Variants in AFAP1 observed in about 807,000 individuals in gnomAD.
The protein encoded by AFAP1 is actin filament associated protein 1, also known as actin filament-associated protein 1.
Under a neutral mutation model 93.9 loss-of-function variants are expected in AFAP1, and 75 were observed. The ratio of observed to expected loss-of-function variants is 0.80; its 90% CI spans 0.66 to 0.97. AFAP1 has a LOEUF of 0.97. AFAP1 is among the 50% of genes least tolerant of loss of function. The probability of loss-of-function intolerance (pLI) is 0.00; values close to 1 mark genes in which losing one functional copy is unlikely to be tolerated. For missense variants in AFAP1, 1,201 were observed against 1,050.8 expected (o/e 1.14, Z -1.98); for synonymous variants, 517 against 430.7 (o/e 1.20, Z -2.48).
At position 7,939,126 on chromosome 4, in the gene AFAP1, CGCA is replaced by C; in HGVS notation, c.-3+527_-3+529del. ...GCCGGGACCCACGCGCGTGGGTCCA[CGCA>C]ACAACCTATAGGTGACAAAACACTC... On this transcript the variant is annotated intron_variant, in intron 1 of 17. Coordinates refer to ENST00000420658, the MANE Select transcript of AFAP1 (RefSeq NM_001134647.2). The surrounding 1 kb of genome is among the most constrained non-coding windows in gnomAD (Gnocchi z 5.6). 6.2e-6 allele frequency: 1 copy of C among 161,102 alleles called. No homozygotes were observed. Among genetic ancestry groups the C allele is most frequent in the Non-Finnish European group, 1.4e-5 (1 of 72,396 alleles). 10.0% of individuals were successfully genotyped at this position (161,102 alleles called of 1,614,324 possible).
intron 10 of AFAP1, among the ~76,000 whole-genome samples, chr4:7,800,003 G>A (rs1718868388): frequency 6.6e-6 from 1 of 152,168 alleles, no homozygotes; most frequent in African/African-American, 2.4e-5. Flanking sequence ...CTGTAAAGAA[G>A]TCCAGAACAT....
At chr4:7,909,091 C>A (rs1719585451) in intron 1 of AFAP1, among the ~76,000 whole-genome samples, 1 of 152,128 alleles carries the variant, frequency 6.6e-6, no homozygotes, top group Non-Finnish European at 1.5e-5. Flanking sequence ...GGTATACTAC[C>A]TTTTACAAAT....
chr4:7,824,367 T>C (rs1167166112), intron 6 of AFAP1, among the ~76,000 whole-genome samples: 3 of 152,204 alleles, frequency 2.0e-5, no homozygotes, highest in Non-Finnish European at 4.4e-5. Context: ...TCTGGGAATA[T>C]TGGCTCTTGT....
At chr4:7,807,493 G>A (rs1719630010) in intron 9 of AFAP1, among the ~76,000 whole-genome samples, 1 of 152,176 alleles carries the variant, frequency 6.6e-6, no homozygotes, top group South Asian at 2.1e-4. Flanking sequence ...GCCTTATTTA[G>A]GGAGGGAAGG....
intron 12 of AFAP1, among the ~76,000 whole-genome samples, chr4:7,783,709 G>A (rs548555286): frequency 6.6e-6 from 1 of 152,372 alleles, no homozygotes; most frequent in South Asian, 2.1e-4. Flanking sequence ...GTGGCCTGTA[G>A]AGTGTCATAA....
chr4:7,877,708 A>C (rs1319614741), intron 1 of AFAP1, among the ~76,000 whole-genome samples: 1 of 152,198 alleles, frequency 6.6e-6, no homozygotes, highest in Non-Finnish European at 1.5e-5. Context: ...TAATAATTCC[A>C]CAGACTGTTT....
intron 8 of AFAP1, among the ~76,000 whole-genome samples, chr4:7,814,397 G>T (rs551384366): frequency 6.6e-6 from 1 of 152,226 alleles, no homozygotes; most frequent in African/African-American, 2.4e-5. Flanking sequence ...AGAAGCCTAT[G>T]ACCAAGCAAT....
chr4:7,793,888 G>T, intron 10 of AFAP1, 62 bp from the exon 11 acceptor site: 1 of 1,436,970 alleles, frequency 7.0e-7, no homozygotes, highest in African/African-American at 1.4e-5. Context: ...TTTCATAAAT[G>T]TGTCAATAAA....
At chr4:7,787,001 G>T (rs537895721) in intron 11 of AFAP1, among the ~76,000 whole-genome samples, 1 of 152,148 alleles carries the variant, frequency 6.6e-6, no homozygotes, top group South Asian at 2.1e-4. Flanking sequence ...CGCTGACAGC[G>T]GCCCGAGAAA....
At position 7,800,637 on chromosome 4, in the gene AFAP1, G is replaced by C. The variant is rs999012939; in HGVS notation, c.1071C>G (p.Leu357=). ...AGCGCTCTCGCCAGCGGCTGTTGGA[G>C]AGCACGTTCAGATAGCCTGCGGAGA... ...DVPTCGYLNV[L]SNSRWRERWC... is the part of the protein sequence containing the mutation. The change falls in exon 10 of 18, where the codon CTC becomes CTG. Residue 357 remains leucine, a synonymous_variant. Coordinates refer to ENST00000420658, the MANE Select transcript of AFAP1 (RefSeq NM_001134647.2). 2 of 1,614,046 alleles carry C rather than the reference G, an allele frequency of 1.2e-6. No individual in the cohort carries two copies. Among genetic ancestry groups the C allele is most frequent in the Admixed American group, 3.3e-5 (2 of 59,998 alleles).
At chr4:7,794,141 G>C (rs1378732868) in intron 10 of AFAP1, among the ~76,000 whole-genome samples, 1 of 152,194 alleles carries the variant, frequency 6.6e-6, no homozygotes, top group Non-Finnish European at 1.5e-5. Flanking sequence ...CCGGCTGAAG[G>C]AAGTTGCTGG....
intron 4 of AFAP1, among the ~76,000 whole-genome samples, chr4:7,853,841 G>A (rs771767028): frequency 8.5e-5 from 13 of 152,276 alleles, no homozygotes; most frequent in East Asian, 1.9e-4. Flanking sequence ...CACGGCAGAC[G>A]TGTGATTGGA....
intron 2 of AFAP1, among the ~76,000 whole-genome samples, chr4:7,871,514 C>T (rs534000917): frequency 6.6e-5 from 10 of 152,202 alleles, no homozygotes; most frequent in Non-Finnish European, 1.3e-4. Flanking sequence ...AGCGTGTGCT[C>T]TGTGTGACCC....
intron 5 of AFAP1, 78 bp downstream of exon 5, chr4:7,843,061 A>C: frequency 6.8e-7 from 1 of 1,481,120 alleles, no homozygotes; most frequent in Non-Finnish European, 9.3e-7. Context: ...GCTGATGTTA[A>C]TGGTGACTGG....
At chr4:7,905,308 G>A (rs560688319) in intron 1 of AFAP1, among the ~76,000 whole-genome samples, 1 of 152,312 alleles carries the variant, frequency 6.6e-6, no homozygotes, top group African/African-American at 2.4e-5. Flanking sequence ...TTGGTTCCTA[G>A]CAGGTAATCT....
chr4:7,903,508 G>T (rs1010935444), intron 1 of AFAP1, among the ~76,000 whole-genome samples: 2 of 152,134 alleles, frequency 1.3e-5, no homozygotes, highest in Non-Finnish European at 2.9e-5. Context: ...GGGAAACCCC[G>T]TCTCTACTAA....
At chr4:7,893,081 C>A (rs570989886) in intron 1 of AFAP1, among the ~76,000 whole-genome samples, 1 of 149,752 alleles carries the variant, frequency 6.7e-6, no homozygotes, top group Admixed American at 6.6e-5. Flanking sequence ...TTTTTACCAG[C>A]CCCGGTGCCG....
chr4:7,882,924 C>T (rs1717935217), intron 1 of AFAP1, among the ~76,000 whole-genome samples: 1 of 151,908 alleles, frequency 6.6e-6, no homozygotes, highest in Admixed American at 6.6e-5. Context: ...GTGACTCACA[C>T]CTGTAATCCC....
intron 1 of AFAP1, among the ~76,000 whole-genome samples, chr4:7,890,018 A>AT (rs1266444922): frequency 6.6e-6 from 1 of 150,810 alleles, no homozygotes; most frequent in African/African-American, 2.4e-5. Flanking sequence ...AAAAAAAAAA[A>AT]AAAAAAGAAG....
Sources: gnomAD v4.1 joint callset for allele counts (sites outside exome capture counted in the v4.1 genomes callset) on GRCh38, gnomAD v4.1.1 for gene constraint, Gnocchi (gnomAD v3.1) non-coding constraint, MANE v1.5 for transcripts, NCBI Gene and HGNC (gene_info 2026-07-23, HGNC 2026-07-21) for gene names.